NAV2: variants seen among roughly 807,000 people sequenced by gnomAD.
The protein encoded by NAV2 is neuron navigator 2, also known as helicase, APC down-regulated 1.
A neutral mutation model predicts 223.2 loss-of-function variants in NAV2; 54 were observed. The observed-to-expected ratio is 0.24, with a 90% CI of 0.19 to 0.30. The LOEUF (loss-of-function observed/expected upper bound fraction) is 0.30, where lower values mean the gene tolerates loss of function less well. Ranked by LOEUF, NAV2 falls within the 10% of genes least tolerant of loss-of-function variation. NAV2 has a pLI of 1.00. For synonymous variants in NAV2, 1,279 were observed against 1,239.3 expected (o/e 1.03, Z -0.67); for missense variants, 2,806 against 3,147.5 (o/e 0.89, Z 2.60).
intron 1 of NAV2, among the ~76,000 whole-genome samples, chr11:19,813,861 C>G (rs1177058778): frequency 1.3e-5 from 2 of 152,110 alleles, no homozygotes; most frequent in African/African-American, 2.4e-5. Context: ...AAGTGGTAAG[C>G]AACCTCCAGG....
chr11:19,984,970 G>A (rs1021691128), intron 11 of NAV2, among the ~76,000 whole-genome samples: 5 of 152,172 alleles, frequency 3.3e-5, no homozygotes, highest in African/African-American at 1.2e-4. Flanking sequence ...CTGGATTTCA[G>A]TGCAGATTTC....
At chr11:19,722,136 C>T (rs1055715057) in intron 1 of NAV2, among the ~76,000 whole-genome samples, 3 of 152,228 alleles carry the variant, frequency 2.0e-5, no homozygotes, top group East Asian at 3.9e-4. Flanking sequence ...GTTCTGGACT[C>T]TTTATCTTCT....
intron 1 of NAV2, among the ~76,000 whole-genome samples, chr11:19,764,750 C>G (rs2055066924): frequency 6.6e-6 from 1 of 152,054 alleles, no homozygotes; most frequent in Non-Finnish European, 1.5e-5. Flanking sequence ...CATTTGATGT[C>G]TAATCATCTC....
chr11:19,501,203 A>T (rs1450819259), intron 1 of NAV2, among the ~76,000 whole-genome samples: 11 of 152,172 alleles, frequency 7.2e-5, no homozygotes, highest in Admixed American at 6.5e-4. Flanking sequence ...TGAATAGATT[A>T]TGCTCACCTG....
At chr11:19,540,537 T>A (rs2044311381) in intron 1 of NAV2, among the ~76,000 whole-genome samples, 1 of 152,164 alleles carries the variant, frequency 6.6e-6, no homozygotes, top group East Asian at 1.9e-4. Flanking sequence ...CCTGGTAAGT[T>A]GCAGAACCCA....
chr11:19,533,996 G>T (rs1160910560), intron 1 of NAV2, among the ~76,000 whole-genome samples: 1 of 132,208 alleles, frequency 7.6e-6, no homozygotes, highest in African/African-American at 4.4e-5. Context: ...GTGAGCCACC[G>T]CGCCCGGCCT....
At chr11:19,858,814 G>A (rs2061525021) in intron 3 of NAV2, among the ~76,000 whole-genome samples, 1 of 152,216 alleles carries the variant, frequency 6.6e-6, no homozygotes, top group African/African-American at 2.4e-5. Context: ...CTGTACTAGT[G>A]TCACATAATT....
At chr11:19,939,346 C>G (rs556501633) in intron 7 of NAV2, among the ~76,000 whole-genome samples, 1 of 152,118 alleles carries the variant, frequency 6.6e-6, no homozygotes, top group African/African-American at 2.4e-5. Context: ...CAAATCACCC[C>G]GTACCCTCCA....
At chr11:19,438,763 G>T (rs923953125) in intron 1 of NAV2, among the ~76,000 whole-genome samples, 1 of 152,156 alleles carries the variant, frequency 6.6e-6, no homozygotes, top group Non-Finnish European at 1.5e-5. Flanking sequence ...CATAAGATGA[G>T]GTCTGGAAAG....
At chr11:19,754,662 C>T (rs2054094066) in intron 1 of NAV2, among the ~76,000 whole-genome samples, 2 of 152,196 alleles carry the variant, frequency 1.3e-5, no homozygotes, top group Admixed American at 6.5e-5. Flanking sequence ...TACCCCATGA[C>T]AACAACCCAG....
In NAV2 at chr11:19,479,572, C is replaced by A. The variant is rs932671917; in HGVS notation, c.75+128545C>A. 3.3e-5 allele frequency among the ~76,000 whole-genome samples: 5 copies of A among 152,180 alleles called. No homozygotes were observed. The South Asian group carries it at 6.2e-4, about 19-fold the overall frequency. On this transcript the variant is annotated intron_variant, in intron 1 of 37. Coordinates refer to the NAV2 transcript ENST00000360655. ...AGTCATTTACCCAAAGATTCAGAAT[C>A]ACTAAATGGCAGAACTGGGATTCGG...
chr11:19,893,037 T>A lies in NAV2; in HGVS notation c.931+443T>A, dbSNP rs148852561. Among the ~76,000 whole-genome samples, 484 of 152,242 alleles carry A rather than the reference T, an allele frequency of 3.2e-3. 2 individuals are homozygous for A. Among genetic ancestry groups the A allele is most frequent in the African/African-American group, 0.011 (452 of 41,548 alleles). On this transcript the variant is annotated intron_variant, in intron 6 of 37. Transcript: ENST00000349880. ...AGAGGTTTTTCACCCTTTGAAAAAG[T>A]CAGGAATGTGGATTGGCTCATTGAA...
intron 11 of NAV2, among the ~76,000 whole-genome samples, chr11:19,987,243 G>C (rs1025632927): frequency 6.6e-6 from 1 of 152,148 alleles, no homozygotes; most frequent in Admixed American, 6.5e-5. Flanking sequence ...CCCTGTAATT[G>C]GAAATATGTT....
In NAV2 at chr11:19,956,413, CTA is replaced by C. The variant is rs200799338; in HGVS notation, c.2645+7335_2645+7336del. 2.5e-3 allele frequency among the ~76,000 whole-genome samples: 371 copies of C among 150,010 alleles called. 1 individual carries two copies. Among genetic ancestry groups the C allele is most frequent in the South Asian group, 0.012 (54 of 4,670 alleles). Reference sequence around the variant, plus strand: ...ACACACACGCTCTCTCTCTCTCTCTCTATCTCTCCAGATGCCAATCACAAGTC... The same window carrying C: ...ACACACACGCTCTCTCTCTCTCTCTCTCTCTCCAGATGCCAATCACAAGTC... On this transcript the variant is annotated intron_variant, in intron 10 of 37. Coordinates refer to ENST00000349880, the MANE Select transcript of NAV2 (RefSeq NM_145117.5).
chr11:19,368,174 T>C (rs1340410548), intron 1 of NAV2, among the ~76,000 whole-genome samples: 1 of 152,210 alleles, frequency 6.6e-6, no homozygotes, highest in Non-Finnish European at 1.5e-5. Flanking sequence ...TCTTTCTGCT[T>C]CATATTCATG....
intron 11 of NAV2, among the ~76,000 whole-genome samples, chr11:20,035,129 G>A (rs572490377): frequency 3.5e-4 from 54 of 152,238 alleles, no homozygotes; most frequent in African/African-American, 1.2e-3. Context: ...AGCAGAAGCA[G>A]ACCACAGAGA....
rs753554061 is a variant in NAV2, at chr11:19,879,990, C to A, written c.633C>A (p.Ser211=). ...HLSSPLPPAV[S]QVAGAPSQCQ... is the part of the protein sequence containing the mutation. The stretch of plus-strand genomic sequence containing the variant: ...CCTCACCTCTGCCGCCCGCCGTATC[C>A]CAGGTGGCCGGGGCCCCCTCCCAGT... The change falls in exon 5 of 38, where the codon TCC becomes TCA. Residue 211 remains serine (S), a synonymous_variant. Transcript: ENST00000349880. 10 of 1,613,882 alleles carry A rather than the reference C, an allele frequency of 6.2e-6. No homozygotes were observed. In the South Asian group the frequency reaches 1.1e-4, roughly 18 times the overall value.
At chr11:19,501,861 G>A (rs2042973042) in intron 1 of NAV2, among the ~76,000 whole-genome samples, 1 of 152,118 alleles carries the variant, frequency 6.6e-6, no homozygotes, top group Admixed American at 6.5e-5. Context: ...AATTAATTGT[G>A]GCATTCGTTG....
Position 19,695,644 on chromosome 11 carries a change from C to T in NAV2, c.76-136840C>T, listed in dbSNP as rs1353651286. ...ATGGGCCGGGCATGGTGGCTCACGC[C>T]TGTAATCCCAGCACTTTGGGAGGCT... On this transcript the variant is annotated intron_variant, in intron 1 of 37. Transcript: ENST00000360655. Among the ~76,000 whole-genome samples the T allele has an allele frequency of 2.0e-5, 3 of 152,164 alleles. No individual in the cohort carries two copies. In the South Asian group the frequency reaches 6.2e-4, roughly 32 times the overall value.
Sources: allele counts gnomAD v4.1 joint callset (sites outside exome capture counted in the v4.1 genomes callset), GRCh38; gene constraint gnomAD v4.1.1; transcripts MANE v1.5; gene names NCBI Gene and HGNC (gene_info 2026-07-23, HGNC 2026-07-21).